CCDC3: variants seen among roughly 807,000 people sequenced by gnomAD.
CCDC3 encodes the protein coiled-coil domain containing 3.
Under a neutral mutation model 21.4 loss-of-function variants are expected in CCDC3, and 24 were observed. That is an observed-to-expected ratio of 1.12 (90% CI 0.81 to 1.58). CCDC3 has a LOEUF of 1.58. CCDC3 is among the 40% of genes most tolerant of loss of function. CCDC3 has a pLI of 0.00. For missense variants in CCDC3, 425 were observed against 360.9 expected (o/e 1.18, Z -1.44); for synonymous variants, 186 against 166.0 (o/e 1.12, Z -0.93).
intron 4 of CCDC3, among the ~76,000 whole-genome samples, chr10:13,063,477 C>CAGAT (rs1564337269): frequency 6.6e-6 from 1 of 152,128 alleles, no homozygotes; most frequent in African/African-American, 2.4e-5. Context: ...TCTCTAGGGG[C>CAGAT]AGATAGGAAT....
At position 13,084,246 on chromosome 10, in the gene CCDC3, A is replaced by G. The variant is rs545342219; in HGVS notation, c.-502-10146T>C. On this transcript the variant is annotated intron_variant, in intron 3 of 6. Transcript: ENST00000378839. Reference sequence around the variant, plus strand: ...CCTTCGGGAACGCCCTACCCTGTCTATGGAGTAGCCATCTTTCACCACTCT... The same window carrying G: ...CCTTCGGGAACGCCCTACCCTGTCTGTGGAGTAGCCATCTTTCACCACTCT... Among the ~76,000 whole-genome samples, 231 of 149,462 alleles carry G rather than the reference A, an allele frequency of 1.5e-3. 1 individual carries two copies. The highest frequency in any genetic ancestry group is 3.0e-3 in the Non-Finnish European group (200 of 67,520).
intron 2 of CCDC3, among the ~76,000 whole-genome samples, chr10:12,993,903 C>T (rs981171609): frequency 4.6e-5 from 7 of 152,194 alleles, no homozygotes; most frequent in Admixed American, 4.6e-4. Context: ...GAATGTCACC[C>T]TGCATATGCT....
At chr10:12,998,602 T>C in intron 1 of CCDC3, 90 bp from the exon 2 acceptor site, 1 of 1,224,872 alleles carries the variant, frequency 8.2e-7, no homozygotes, top group East Asian at 2.4e-5. Flanking sequence ...GCAACGGGCT[T>C]GCCAATTTCA....
intron 4 of CCDC3, chr10:13,058,200 A>C: frequency 8.1e-7 from 1 of 1,230,986 alleles, no homozygotes; most frequent in Non-Finnish European, 1.2e-6. Context: ...AGGGTGCCAA[A>C]AACTTGATTG....
upstream of CCDC3, among the ~76,000 whole-genome samples, chr10:13,002,578 C>T (rs1344348446): frequency 6.6e-6 from 1 of 151,998 alleles, no homozygotes; most frequent in African/African-American, 2.4e-5. Context: ...TAGAGACAGG[C>T]TATGTTGCTC....
chr10:12,933,862 G>A (rs549208541), intron 2 of CCDC3, among the ~76,000 whole-genome samples: 163 of 152,088 alleles, frequency 1.1e-3, no homozygotes, highest in African/African-American at 3.6e-3. Flanking sequence ...TAATTAACCT[G>A]GATAGAGGTT....
intron 2 of CCDC3, among the ~76,000 whole-genome samples, chr10:12,915,901 G>A (rs890759023): frequency 2.0e-5 from 3 of 152,028 alleles, no homozygotes; most frequent in Admixed American, 1.3e-4. Context: ...GAGACCATGG[G>A]TGCTGACCTG....
intron 2 of CCDC3, among the ~76,000 whole-genome samples, chr10:12,971,576 G>A (rs1219948423): frequency 1.3e-5 from 2 of 152,138 alleles, no homozygotes; most frequent in African/African-American, 2.4e-5. Context: ...CCTGGGTCCC[G>A]CCATGCCACA....
At chr10:13,065,065 GATTT>G (rs1482918805) in intron 4 of CCDC3, among the ~76,000 whole-genome samples, 2 of 152,008 alleles carry the variant, frequency 1.3e-5, no homozygotes, top group Non-Finnish European at 2.9e-5. Context: ...AGATTTCCGA[GATTT>G]ATTTATTTTT....
At chr10:13,029,943 C>G (rs559826905) in intron 5 of CCDC3, among the ~76,000 whole-genome samples, 98 of 152,204 alleles carry the variant, frequency 6.4e-4, no homozygotes, top group African/African-American at 1.7e-3. Flanking sequence ...GAGAACTTCC[C>G]CAACCTAGTA....
intron 2 of CCDC3, among the ~76,000 whole-genome samples, chr10:12,961,100 C>CCAGAAACA (rs1392767864): frequency 6.6e-6 from 1 of 152,196 alleles, no homozygotes; most frequent in Non-Finnish European, 1.5e-5. Flanking sequence ...GCACCACCTT[C>CCAGAAACA]CAGAAACATC....
At chr10:12,966,304 A>AG (rs1446609648) in intron 2 of CCDC3, among the ~76,000 whole-genome samples, 3 of 151,882 alleles carry the variant, frequency 2.0e-5, no homozygotes, top group Non-Finnish European at 1.5e-5. Flanking sequence ...CTAGAAACTG[A>AG]GGGGCTGTGG....
chr10:13,026,274 G>A (rs1982215), intron 5 of CCDC3, among the ~76,000 whole-genome samples: 24,318 of 152,100 alleles, frequency 0.16, 2,117 homozygotes, highest in Admixed American at 0.23. Flanking sequence ...ATAACTAGGC[G>A]CTGATAATTA....
chr10:13,022,724 T>C (rs745552630), intron 5 of CCDC3, among the ~76,000 whole-genome samples: 1 of 152,192 alleles, frequency 6.6e-6, no homozygotes, highest in Non-Finnish European at 1.5e-5. Flanking sequence ...ATTTATCAAA[T>C]TAATTCCCAA....
chr10:12,998,927 G>A (rs1000806637), intron 1 of CCDC3, among the ~76,000 whole-genome samples: 1 of 152,148 alleles, frequency 6.6e-6, no homozygotes, highest in African/African-American at 2.4e-5. Flanking sequence ...CTAAGCTTCA[G>A]TATTCTAATC....
At chr10:13,055,332 ACTT>A (rs1326196432) in intron 4 of CCDC3, among the ~76,000 whole-genome samples, 1 of 146,558 alleles carries the variant, frequency 6.8e-6, no homozygotes, top group Non-Finnish European at 1.5e-5. Context: ...AACAGAATCC[ACTT>A]CTTTTTTTTT....
chr10:12,993,615 A>G (rs917394683), intron 2 of CCDC3, among the ~76,000 whole-genome samples: 1 of 152,196 alleles, frequency 6.6e-6, no homozygotes, highest in Admixed American at 6.5e-5. Context: ...CAAGAGAGAA[A>G]TGAGGAAGGA....
At chr10:12,966,088 T>C (rs1300485085) in intron 2 of CCDC3, among the ~76,000 whole-genome samples, 1 of 152,156 alleles carries the variant, frequency 6.6e-6, no homozygotes, top group Non-Finnish European at 1.5e-5. Flanking sequence ...TATCACCGTC[T>C]GTGGGCAATA....
intron 2 of CCDC3, among the ~76,000 whole-genome samples, chr10:12,910,827 T>G (rs1033743564): frequency 1.3e-5 from 2 of 152,000 alleles, no homozygotes; most frequent in African/African-American, 4.8e-5. Flanking sequence ...ACTCCTGACC[T>G]CCAATGATCC....
Sources: gnomAD v4.1 joint callset for allele counts (sites outside exome capture counted in the v4.1 genomes callset) on GRCh38, gnomAD v4.1.1 for gene constraint, MANE v1.5 for transcripts, NCBI Gene and HGNC (gene_info 2026-07-23, HGNC 2026-07-21) for gene names.